Variants in RBMS2 observed in about 807,000 individuals in gnomAD.
RBMS2 encodes RNA binding motif single stranded interacting protein 2, also known as RNA-binding motif, single-stranded-interacting protein 2.
A neutral mutation model predicts 58.4 loss-of-function variants in RBMS2; 38 were observed. The observed-to-expected ratio is 0.65, with a 90% confidence interval of 0.50 to 0.85. RBMS2 has a LOEUF of 0.85. Among genes scored for constraint, RBMS2 ranks in the 40% least tolerant of loss-of-function variants. The probability of loss-of-function intolerance (pLI) is 0.00; values close to 1 mark genes in which losing one functional copy is unlikely to be tolerated. For missense variants in RBMS2, 367 were observed against 503.7 expected, an observed-to-expected ratio of 0.73 and a Z score of 2.60; for synonymous variants, 151 against 180.7, an observed-to-expected ratio of 0.84 and a Z score of 1.32.
chr12:56,566,052 T>A (rs1222512170), intron 2 of RBMS2, among the ~76,000 whole-genome samples: 6 of 152,124 alleles, frequency 3.9e-5, no homozygotes, highest in African/African-American at 1.4e-4. Flanking sequence ...AATTTGGGAA[T>A]GAATCCAAGT....
chr12:56,569,972 A>G lies in RBMS2; in HGVS notation c.366A>G (p.Val122=). The change falls in exon 4 of 14, where the codon GTA becomes GTG. Residue 122 remains valine (V), a synonymous_variant. Coordinates refer to ENST00000262031, the MANE Select transcript of RBMS2 (RefSeq NM_002898.4). The part of the protein sequence containing the change: ...KAVTALKASG[V]QAQMAKQQEQ... ...TAACAGCACTGAAGGCCAGCGGTGT[A>G]CAGGCACAGATGGCAAAGGTAAGGG... The G allele has an allele frequency of 6.2e-7, 1 of 1,613,046 alleles. No individual in the cohort carries two copies. Among genetic ancestry groups the G allele is most frequent in the Non-Finnish European group, 8.5e-7 (1 of 1,179,004 alleles).
chr12:56,562,685 T>G, intron 2 of RBMS2, 102 bp downstream of exon 2: 1 of 1,287,084 alleles, frequency 7.8e-7, no homozygotes, highest in East Asian at 2.3e-5. Flanking sequence ...ACTCCTGGGC[T>G]CAAGTGATCC....
chr12:56,530,818 T>A (rs1242143231), intron 1 of RBMS2, among the ~76,000 whole-genome samples: 1 of 152,140 alleles, frequency 6.6e-6, no homozygotes, highest in Non-Finnish European at 1.5e-5. Context: ...CTGATCCTTT[T>A]TGTTGTTGTT....
rs902839559 is a variant in RBMS2 at position 56,595,690 on chromosome 12, G to C, written c.*6557G>C. 1 of 152,248 alleles carries C rather than the reference G, an allele frequency of 6.6e-6. No individual in the cohort carries two copies. The highest frequency in any genetic ancestry group is 1.5e-5 in the Non-Finnish European group (1 of 68,054). 9.4% of individuals were successfully genotyped at this position (152,248 alleles called of 1,614,324 possible). ...CAGGAACACAGAGGTGGCAGCTTAG[G>C]AAGCTGGGGCCACATCTCACAAGGC... On this transcript the variant is annotated 3_prime_UTR_variant, in exon 14 of 14. Coordinates refer to ENST00000262031, the MANE Select transcript of RBMS2 (RefSeq NM_002898.4).
At chr12:56,540,439 T>A (rs933542264) in intron 1 of RBMS2, among the ~76,000 whole-genome samples, 1 of 152,118 alleles carries the variant, frequency 6.6e-6, no homozygotes. Flanking sequence ...AGTGGTGTGA[T>A]CATAGCTCAC....
upstream of RBMS2, among the ~76,000 whole-genome samples, chr12:56,521,149 G>A (rs1486430427): frequency 1.3e-5 from 2 of 152,112 alleles, no homozygotes; most frequent in African/African-American, 4.8e-5. Flanking sequence ...CTATAAATGG[G>A]CCAGGGGTGG....
intron 1 of RBMS2, among the ~76,000 whole-genome samples, chr12:56,551,846 G>A (rs1027735168): frequency 1.3e-5 from 2 of 152,204 alleles, no homozygotes; most frequent in East Asian, 1.9e-4. Context: ...CCAGCATTTT[G>A]GGAAGCCGAG....
Position 56,582,131 on chromosome 12 carries a change from C to T in RBMS2, c.852C>T (p.Ser284=), listed in dbSNP as rs191281949. The T allele has an allele frequency of 3.1e-6, 5 of 1,609,546 alleles. No individual in the cohort carries two copies. Among genetic ancestry groups the T allele is most frequent in the Admixed American group, 1.7e-5 (1 of 59,916 alleles). Residue 284 remains serine (S), a synonymous_variant, in exon 9 of 14, where the codon TCC becomes TCT. Transcript: ENST00000262031. Reference sequence around the variant, plus strand: ...AGTCTGCACTCTCCCCATACCTTTCCTCTCCTGTGTCTTCGTATCAGGTAT... The same window carrying T: ...AGTCTGCACTCTCCCCATACCTTTCTTCTCCTGTGTCTTCGTATCAGGTAT... The part of the protein sequence containing the change: ...LAQSALSPYL[S]SPVSSYQRVT...
At chr12:56,579,047 T>C (rs1883536910) in intron 5 of RBMS2, among the ~76,000 whole-genome samples, 1 of 152,194 alleles carries the variant, frequency 6.6e-6, no homozygotes, top group South Asian at 2.1e-4. Context: ...TATGTGTGAA[T>C]TGACAACTTG....
chr12:56,558,038 C>CTTT (rs34784910), intron 1 of RBMS2, among the ~76,000 whole-genome samples: 8 of 28,548 alleles, frequency 2.8e-4, no homozygotes, highest in African/African-American at 4.8e-4. Context: ...CTCGCCCGGG[C>CTTT]TTTTTTTTTT....
At position 56,562,403 on chromosome 12, in the gene RBMS2, A is replaced by C. The variant is rs1242031192; in HGVS notation, c.67-14A>C. On this transcript the variant is annotated splice_polypyrimidine_tract_variant and intron_variant, in intron 1 of 13. Transcript: ENST00000262031. Reference sequence around the variant, plus strand: ...TGGATAATCCTTCTACCTCTTCCTCATGTCTCCCTGCAGCCATATGTGTCA... The same window carrying C: ...TGGATAATCCTTCTACCTCTTCCTCCTGTCTCCCTGCAGCCATATGTGTCA... 4 of 1,592,540 alleles carry C rather than the reference A, an allele frequency of 2.5e-6. No homozygotes were observed. Among genetic ancestry groups the C allele is most frequent in the Non-Finnish European group, 2.6e-6 (3 of 1,160,888 alleles).
chr12:56,586,767 T>G, intron 9 of RBMS2, 82 bp from the exon 10 acceptor site: 8 of 1,232,424 alleles, frequency 6.5e-6, no homozygotes, highest in Non-Finnish European at 9.4e-6. Context: ...CAAACTTTTC[T>G]GAGCTTTGTT....
At chr12:56,586,966 T>G in intron 10 of RBMS2, 40 bp downstream of exon 10, 1 of 1,580,932 alleles carries the variant, frequency 6.3e-7, no homozygotes, top group Non-Finnish European at 8.7e-7. Context: ...AGAGGCAATT[T>G]GATGTAAAGA....
chr12:56,581,566 A>G (rs140028256), intron 7 of RBMS2, 58 bp downstream of exon 7: 11 of 1,509,776 alleles, frequency 7.3e-6, no homozygotes, highest in African/African-American at 2.7e-5. Flanking sequence ...AACGGAAATG[A>G]TCATGGCATG....
intron 1 of RBMS2, chr12:56,527,768 C>T (rs1374251845): frequency 6.7e-6 from 1 of 150,010 alleles, no homozygotes; most frequent in Admixed American, 6.7e-5. Flanking sequence ...CCACCATGCC[C>T]CCTTGATACT....
chr12:56,555,122 C>T (rs1878996107), intron 1 of RBMS2, among the ~76,000 whole-genome samples: 1 of 151,336 alleles, frequency 6.6e-6, no homozygotes, highest in African/African-American at 2.4e-5. Flanking sequence ...TACCTGGATA[C>T]CTACTTAGTG....
intron 13 of RBMS2, 26 bp downstream of exon 13, chr12:56,589,044 G>A (rs1885084260): frequency 6.2e-7 from 1 of 1,613,770 alleles, no homozygotes; most frequent in Non-Finnish European, 8.5e-7. Flanking sequence ...TGGGGGGCAG[G>A]GAGGGCTGCA....
At chr12:56,587,080 A>T (rs1016420674) in intron 10 of RBMS2, among the ~76,000 whole-genome samples, 154 bp downstream of exon 10, 25 of 152,222 alleles carry the variant, frequency 1.6e-4, no homozygotes, top group African/African-American at 5.8e-4. Context: ...AGCCTGGCCA[A>T]CATGACAAAA....
intron 9 of RBMS2, 151 bp from the exon 10 acceptor site, chr12:56,586,698 A>G (rs1262693649): frequency 1.6e-6 from 1 of 633,344 alleles, no homozygotes; most frequent in African/African-American, 1.9e-5. Context: ...TTGAGTTTTA[A>G]GAATTGCTAA....
Sources: allele counts gnomAD v4.1 joint callset (sites outside exome capture counted in the v4.1 genomes callset), GRCh38; gene constraint gnomAD v4.1.1; transcripts MANE v1.5; gene names NCBI Gene and HGNC (gene_info 2026-07-23, HGNC 2026-07-21).